Variants in TAB2 observed in about 807,000 individuals in gnomAD.
TAB2 encodes TGF-beta-activated kinase 1 and MAP3K7-binding protein 2.
Under a neutral mutation model 65.0 loss-of-function variants are expected in TAB2, and 3 were observed. That is an observed-to-expected ratio of 0.05 (90% confidence interval 0.02 to 0.12). The LOEUF (loss-of-function observed/expected upper bound fraction) is 0.12. TAB2 is among the 10% of genes least tolerant of loss of function. The pLI is 1.00. For synonymous variants in TAB2, 298 were observed against 285.1 expected, an observed-to-expected ratio of 1.05 and a Z score of -0.46; for missense variants, 623 against 840.3, an observed-to-expected ratio of 0.74 and a Z score of 3.20.
intron 1 of TAB2, among the ~76,000 whole-genome samples, chr6:149,329,749 T>C (rs1044561306): frequency 6.6e-6 from 1 of 152,044 alleles, no homozygotes; most frequent in Admixed American, 6.6e-5. Context: ...TAGACTGTGA[T>C]AAGGACTTTA....
At chr6:149,302,740 A>ATATC (rs1263437317) in intron 1 of TAB2, among the ~76,000 whole-genome samples, 1 of 152,166 alleles carries the variant, frequency 6.6e-6, no homozygotes, top group African/African-American at 2.4e-5. Context: ...ACTTGGGGTC[A>ATATC]TATCTATCTA....
chr6:149,407,709 C>G (rs972263930), intron 6 of TAB2, among the ~76,000 whole-genome samples: 3 of 151,464 alleles, frequency 2.0e-5, no homozygotes, highest in African/African-American at 7.3e-5. Context: ...TGTGTTTAGA[C>G]CATTGTTTGT....
chr6:149,314,964 T>C (rs943857130), upstream of TAB2, among the ~76,000 whole-genome samples: 1 of 151,956 alleles, frequency 6.6e-6, no homozygotes, highest in African/African-American at 2.4e-5. Context: ...TAAAAGACAC[T>C]GAATATTTAC....
chr6:149,402,443 A>C (rs966626663), intron 6 of TAB2, among the ~76,000 whole-genome samples: 13 of 152,336 alleles, frequency 8.5e-5, no homozygotes, highest in African/African-American at 3.1e-4. Flanking sequence ...TGAATCAGTA[A>C]TCAAAAATCT....
intron 1 of TAB2, among the ~76,000 whole-genome samples, chr6:149,311,462 T>A (rs1779165915): frequency 6.6e-6 from 1 of 152,218 alleles, no homozygotes. Flanking sequence ...GTTTGAAAAT[T>A]GTTAAAGCAC....
intron 3 of TAB2, among the ~76,000 whole-genome samples, chr6:149,389,352 A>G (rs571867559): frequency 6.6e-6 from 1 of 152,022 alleles, no homozygotes; most frequent in South Asian, 2.1e-4. Context: ...TCCTCTTTTA[A>G]ATTGTAAATC....
In TAB2 at chr6:149,406,749, G is replaced by A. The variant is rs564180411; in HGVS notation, c.1940-2828G>A. Reference sequence around the variant, plus strand: ...TTTTATTTTTTTGAGACAGAGTTTCGCTGTTGTTGCCCAGGCTGGAGTGCA... The same window carrying A: ...TTTTATTTTTTTGAGACAGAGTTTCACTGTTGTTGCCCAGGCTGGAGTGCA... On this transcript the variant is annotated intron_variant, in intron 6 of 6. Transcript: ENST00000637181. Among the ~76,000 whole-genome samples, 18 of 151,728 alleles carry A rather than the reference G, an allele frequency of 1.2e-4. No individual in the cohort carries two copies. In the South Asian group the frequency reaches 2.1e-3, roughly 18 times the overall value.
chr6:149,388,787 A>G (rs965981651), intron 3 of TAB2, among the ~76,000 whole-genome samples: 2 of 151,954 alleles, frequency 1.3e-5, no homozygotes, highest in Non-Finnish European at 2.9e-5. Flanking sequence ...TATTCTTTCT[A>G]CTTTGTTACT....
At chr6:149,222,251 G>A (rs1777163484) in intron 1 of TAB2, among the ~76,000 whole-genome samples, 1 of 152,010 alleles carries the variant, frequency 6.6e-6, no homozygotes, top group African/African-American at 2.4e-5. Flanking sequence ...CAGCTTTCCT[G>A]GGCCTTCAGC....
At chr6:149,236,017 C>T (rs894623323) in intron 1 of TAB2, among the ~76,000 whole-genome samples, 1 of 152,144 alleles carries the variant, frequency 6.6e-6, no homozygotes. Flanking sequence ...GACCATGACA[C>T]AGAGCTCAAA....
chr6:149,393,139 A>G (rs756733763), intron 3 of TAB2, among the ~76,000 whole-genome samples: 111 of 152,280 alleles, frequency 7.3e-4, no homozygotes, highest in Admixed American at 1.8e-3. Flanking sequence ...ATAGAGAACC[A>G]CTTTCCTAGT....
chr6:149,239,009 C>T (rs564134613), intron 1 of TAB2, among the ~76,000 whole-genome samples: 11 of 152,242 alleles, frequency 7.2e-5, no homozygotes, highest in African/African-American at 1.9e-4. Context: ...GAGAAGACAG[C>T]GGCAGTGGAA....
Position 149,378,185 on chromosome 6 carries a change from T to C in TAB2, c.270T>C (p.His90=). 6.2e-7 allele frequency: 1 copy of C among 1,614,120 alleles called. No individual in the cohort carries two copies. ...TGCAATCACAGAACATTTACCACCA[T>C]GGAAGAGAAGGAAGTAGGATGAATG... ...LDLQSQNIYH[H]GREGSRMNGS... is the part of the protein sequence containing the mutation. The change falls in exon 3 of 7, where the codon CAT becomes CAC. Residue 90 remains histidine, a synonymous_variant. Coordinates refer to ENST00000637181, the MANE Select transcript of TAB2 (RefSeq NM_001292034.3).
chr6:149,358,638 C>CTGTGTGTGTGTGTGTGTG (rs1246116686), intron 1 of TAB2, among the ~76,000 whole-genome samples: 2 of 12,332 alleles, frequency 1.6e-4, no homozygotes, highest in Non-Finnish European at 5.1e-4. Context: ...CTCTTCAGAA[C>CTGTGTGTGTGTGTGTGTG]TCTGTGTGTG....
chr6:149,388,833 T>C (rs529317798), intron 3 of TAB2, among the ~76,000 whole-genome samples: 191 of 152,294 alleles, frequency 1.3e-3, no homozygotes, highest in South Asian at 3.5e-3. Context: ...TTCTGCCTTA[T>C]AAATTTTTTA....
chr6:149,270,682 C>T (rs1778344671), intron 1 of TAB2, among the ~76,000 whole-genome samples: 1 of 152,122 alleles, frequency 6.6e-6, no homozygotes, highest in South Asian at 2.1e-4. Flanking sequence ...TTTAAAACAA[C>T]ATTTAGAATC....
chr6:149,377,140 G>C (rs1052717820), intron 2 of TAB2, among the ~76,000 whole-genome samples: 4 of 150,668 alleles, frequency 2.7e-5, no homozygotes, highest in Non-Finnish European at 5.9e-5. Flanking sequence ...CGCAGTCTCG[G>C]CTCACTGCAA....
chr6:149,299,183 G>C (rs1778928377), intron 1 of TAB2, among the ~76,000 whole-genome samples: 1 of 152,208 alleles, frequency 6.6e-6, no homozygotes, highest in Admixed American at 6.5e-5. Context: ...AATTTTCATG[G>C]TATAGCATTG....
At chr6:149,391,254 T>C (rs1243926070) in intron 3 of TAB2, among the ~76,000 whole-genome samples, 1 of 152,184 alleles carries the variant, frequency 6.6e-6, no homozygotes, top group Non-Finnish European at 1.5e-5. Context: ...TCTACTTTTT[T>C]TTCTTTCTGG....
Sources: gnomAD v4.1 joint callset for allele counts (sites outside exome capture counted in the v4.1 genomes callset) on GRCh38, gnomAD v4.1.1 for gene constraint, MANE v1.5 for transcripts, NCBI Gene and HGNC (gene_info 2026-07-23, HGNC 2026-07-21) for gene names.